The following MAGI2 variants were observed in gnomAD, a reference collection of about 807,000 sequenced individuals.
MAGI2 encodes the protein membrane associated guanylate kinase, WW and PDZ domain containing 2.
Under a neutral mutation model 133.3 loss-of-function variants are expected in MAGI2, and 35 were observed. The ratio of observed to expected loss-of-function variants is 0.26; its 90% CI spans 0.20 to 0.35. The LOEUF is 0.35. Ranked by LOEUF, MAGI2 falls within the 10% of genes least tolerant of loss-of-function variation. MAGI2 has a pLI of 1.00. For synonymous variants in MAGI2, 729 were observed against 710.6 expected (o/e 1.03, Z -0.41); for missense variants, 1,636 against 1,863.4 (o/e 0.88, Z 2.25).
chr7:78,149,737 G>A (rs181771691), intron 16 of MAGI2, among the ~76,000 whole-genome samples: 12 of 152,112 alleles, frequency 7.9e-5, no homozygotes, highest in Non-Finnish European at 1.3e-4. Context: ...TGATGAATCC[G>A]TAAGTATACA....
intron 3 of MAGI2, among the ~76,000 whole-genome samples, chr7:78,557,010 T>A (rs1333446931): frequency 7.0e-6 from 1 of 142,178 alleles, no homozygotes; most frequent in Non-Finnish European, 1.5e-5. Context: ...AGAATGGTGT[T>A]AATCGGGCAG....
intron 1 of MAGI2, among the ~76,000 whole-genome samples, chr7:79,141,087 T>C (rs190606030): frequency 1.3e-5 from 2 of 152,258 alleles, no homozygotes; most frequent in Non-Finnish European, 2.9e-5. Context: ...TCACCACAAA[T>C]CCTACATTTA....
At chr7:78,774,249 G>T (rs962820863) in intron 2 of MAGI2, among the ~76,000 whole-genome samples, 1 of 152,134 alleles carries the variant, frequency 6.6e-6, no homozygotes, top group African/African-American at 2.4e-5. Flanking sequence ...GGTAATCATT[G>T]GTTTGGAGAG....
At chr7:79,028,791 A>T (rs769925337) in intron 1 of MAGI2, among the ~76,000 whole-genome samples, 5 of 152,146 alleles carry the variant, frequency 3.3e-5, no homozygotes, top group Non-Finnish European at 5.9e-5. Flanking sequence ...GTCATAAAAG[A>T]GGGCTCAGAC....
chr7:78,203,921 AT>A (rs1475526234), intron 10 of MAGI2, among the ~76,000 whole-genome samples: 1 of 152,178 alleles, frequency 6.6e-6, no homozygotes, highest in Non-Finnish European at 1.5e-5. Flanking sequence ...ACTACTACAC[AT>A]TTCTTACTTT....
At chr7:79,213,438 C>T (rs532015719) in intron 1 of MAGI2, among the ~76,000 whole-genome samples, 3 of 152,090 alleles carry the variant, frequency 2.0e-5, no homozygotes, top group South Asian at 2.1e-4. Flanking sequence ...CCAGCCTCAG[C>T]CCCCTGGGAT....
chr7:78,552,176 CTTTTTTTTTTTTT>C (rs869196799), intron 3 of MAGI2, among the ~76,000 whole-genome samples: 1 of 90,348 alleles, frequency 1.1e-5, no homozygotes, highest in Non-Finnish European at 2.1e-5. Flanking sequence ...ATTTGTTTTC[CTTTTTTTTTTTTT>C]TTTTTTTTTT....
chr7:78,457,479 C>T (rs1415156747), intron 6 of MAGI2, among the ~76,000 whole-genome samples: 1 of 152,074 alleles, frequency 6.6e-6, no homozygotes, highest in Non-Finnish European at 1.5e-5. Flanking sequence ...TCCTTATTTT[C>T]CAAATTGGAA....
At chr7:78,450,477 A>G (rs1228442699) in intron 6 of MAGI2, among the ~76,000 whole-genome samples, 1 of 152,124 alleles carries the variant, frequency 6.6e-6, no homozygotes, top group Non-Finnish European at 1.5e-5. Flanking sequence ...TTCATTAATA[A>G]GATGACTAAG....
At chr7:78,487,279 T>G (rs753791716) in intron 6 of MAGI2, 8 of 201,518 alleles carry the variant, frequency 4.0e-5, no homozygotes, top group Non-Finnish European at 7.0e-5. Context: ...GAGGCAATTT[T>G]TATCCTCCCC....
At chr7:79,251,968 G>C (rs142597955) in intron 1 of MAGI2, among the ~76,000 whole-genome samples, 4 of 151,946 alleles carry the variant, frequency 2.6e-5, no homozygotes, top group Admixed American at 2.6e-4. Context: ...ACCAGCCTGG[G>C]CAACTTGGCA....
At chr7:78,513,670 T>A (rs1320252878) in intron 4 of MAGI2, among the ~76,000 whole-genome samples, 1 of 152,180 alleles carries the variant, frequency 6.6e-6, no homozygotes, top group Non-Finnish European at 1.5e-5. Context: ...CTACTCTGGT[T>A]GTCCTTGTTC....
chr7:78,911,214 C>A (rs1178419885), intron 2 of MAGI2, among the ~76,000 whole-genome samples: 2 of 152,092 alleles, frequency 1.3e-5, no homozygotes, highest in Admixed American at 6.6e-5. Flanking sequence ...CTAGAAAATT[C>A]TTTAACATTG....
intron 2 of MAGI2, among the ~76,000 whole-genome samples, chr7:78,636,788 A>C (rs1295190025): frequency 6.6e-6 from 1 of 151,950 alleles, no homozygotes; most frequent in Non-Finnish European, 1.5e-5. Context: ...ACAGAGCAAG[A>C]CTCCATCTCA....
chr7:79,339,024 T>C (rs1472164458), intron 1 of MAGI2, among the ~76,000 whole-genome samples: 1 of 152,148 alleles, frequency 6.6e-6, no homozygotes, highest in Non-Finnish European at 1.5e-5. Flanking sequence ...TTGGCGGTCA[T>C]ACTTTCATTC....
At chr7:78,415,831 T>C (rs1798248980) in intron 6 of MAGI2, among the ~76,000 whole-genome samples, 1 of 152,166 alleles carries the variant, frequency 6.6e-6, no homozygotes, top group Admixed American at 6.5e-5. Context: ...ACTTTAAAAA[T>C]GATCAAGTGA....
At chr7:78,987,059 C>T (rs1805331563) in intron 2 of MAGI2, among the ~76,000 whole-genome samples, 1 of 151,886 alleles carries the variant, frequency 6.6e-6, no homozygotes, top group African/African-American at 2.4e-5. Flanking sequence ...TGCTATGAAA[C>T]CCAAAGAAAA....
At chr7:79,011,884 TCTTCCTTCCTTC>T (rs779042721) in intron 1 of MAGI2, among the ~76,000 whole-genome samples, 3 of 103,312 alleles carry the variant, frequency 2.9e-5, no homozygotes, top group South Asian at 3.4e-4. Context: ...TTCCTTCCTT[TCTTCCTTCCTTC>T]CTTCCTTCCT....
At chr7:78,072,359 G>T (rs1252637318) in intron 21 of MAGI2, among the ~76,000 whole-genome samples, 1 of 152,144 alleles carries the variant, frequency 6.6e-6, no homozygotes, top group Non-Finnish European at 1.5e-5. Flanking sequence ...GATCCTTTGA[G>T]ACCTTTTTAT....
Sources: gnomAD v4.1 joint callset for allele counts (sites outside exome capture counted in the v4.1 genomes callset) on GRCh38, gnomAD v4.1.1 for gene constraint, MANE v1.5 for transcripts, NCBI Gene and HGNC (gene_info 2026-07-23, HGNC 2026-07-21) for gene names.